The following ANXA8 variants were observed in gnomAD, a reference collection of about 807,000 sequenced individuals.
ANXA8 encodes the protein annexin A8, also known as VAC-beta.
ANXA8 carries 9 observed loss-of-function variants against 26.8 expected under a neutral mutation model. The ratio of observed to expected loss-of-function variants is 0.34; its 90% CI spans 0.20 to 0.59. The LOEUF (loss-of-function observed/expected upper bound fraction) is 0.59, where lower values mean the gene tolerates loss of function less well. Ranked by LOEUF, ANXA8 falls within the 20% of genes least tolerant of loss-of-function variation. The probability of loss-of-function intolerance (pLI) is 0.84; values close to 1 mark genes in which losing one functional copy is unlikely to be tolerated. For missense variants in ANXA8, 83 were observed against 238.5 expected (o/e 0.35, Z 4.29); for synonymous variants, 39 against 94.8 (o/e 0.41, Z 3.42).
chr10:47,699,362 A>G, the ANXA8 span, among the ~76,000 whole-genome samples: 1 of 148,250 alleles, frequency 6.7e-6, no homozygotes, highest in Non-Finnish European at 1.5e-5. Flanking sequence ...AAAAAAAAAA[A>G]AAAAAGAAAG....
chr10:47,701,220 T>G, the ANXA8 span, among the ~76,000 whole-genome samples: 1 of 151,216 alleles, frequency 6.6e-6, no homozygotes, highest in Non-Finnish European at 1.5e-5. Context: ...AAAAGCACAT[T>G]CTGTTGGCGC....
intron 6 of ANXA8, 137 bp from the exon 7 acceptor site, chr10:47,475,141 C>G (rs1839478400): frequency 1.5e-6 from 2 of 1,371,088 alleles, no homozygotes; most frequent in Non-Finnish European, 2.0e-6. Context: ...GCCAGTTATT[C>G]TCTTCAGCCC....
At chr10:47,637,438 C>G in the ANXA8 span, among the ~76,000 whole-genome samples, 1 of 150,034 alleles carries the variant, frequency 6.7e-6, no homozygotes, top group East Asian at 1.9e-4. Flanking sequence ...ACTGTAACAT[C>G]CTTTGTATCT....
At chr10:47,487,189 T>C, upstream of ANXA8, 2 of 893,822 alleles carry the variant, frequency 2.2e-6, no homozygotes, top group South Asian at 3.4e-5. Flanking sequence ...AGTGTTTCCA[T>C]CCAAATGGGA....
chr10:47,755,285 T>G, the ANXA8 span, among the ~76,000 whole-genome samples: 2 of 149,954 alleles, frequency 1.3e-5, no homozygotes, highest in East Asian at 4.0e-4. Flanking sequence ...AGACGAAGTC[T>G]CGCTCTGTTG....
chr10:47,577,186 T>C, the ANXA8 span, among the ~76,000 whole-genome samples: 39 of 148,404 alleles, frequency 2.6e-4, 1 homozygote, highest in Admixed American at 3.4e-4. Context: ...GATGGCGCCA[T>C]TGCACTCCAG....
At chr10:47,665,201 C>T in the ANXA8 span, among the ~76,000 whole-genome samples, 2 of 147,516 alleles carry the variant, frequency 1.4e-5, no homozygotes, top group African/African-American at 5.3e-5. Context: ...ATGTTGATGG[C>T]TGCTATTTTT....
the ANXA8 span, among the ~76,000 whole-genome samples, chr10:47,966,853 CAT>C: frequency 3.3e-5 from 4 of 122,670 alleles, no homozygotes; most frequent in Admixed American, 2.7e-4. Flanking sequence ...TTTATTGAAA[CAT>C]GTGACATAGC....
chr10:47,980,426 G>A, the ANXA8 span, among the ~76,000 whole-genome samples: 22 of 151,156 alleles, frequency 1.5e-4, no homozygotes, highest in African/African-American at 4.8e-4. Context: ...AGATTGTAGT[G>A]GAAATAAATA....
the ANXA8 span, among the ~76,000 whole-genome samples, chr10:47,709,373 G>A: frequency 1.3e-5 from 2 of 150,694 alleles, no homozygotes; most frequent in Non-Finnish European, 2.9e-5. Context: ...ATTTTGGTCA[G>A]CAATCAATCA....
chr10:47,948,863 C>T, the ANXA8 span, among the ~76,000 whole-genome samples: 1 of 151,628 alleles, frequency 6.6e-6, no homozygotes, highest in African/African-American at 2.4e-5. Flanking sequence ...TGGGCTTCAT[C>T]AAATCTATTG....
the ANXA8 span, among the ~76,000 whole-genome samples, chr10:47,720,273 TA>T: frequency 7.0e-6 from 1 of 143,842 alleles, no homozygotes; most frequent in Non-Finnish European, 1.5e-5. Flanking sequence ...CTTAAAGCAG[TA>T]ATTGGGAGAT....
chr10:47,474,163 T>G (rs1839416405), intron 8 of ANXA8, 98 bp from the exon 9 acceptor site: 1 of 567,590 alleles, frequency 1.8e-6, no homozygotes, highest in Non-Finnish European at 3.1e-6. Context: ...CGCCCTGACC[T>G]CCCACTGGTG....
chr10:47,746,997 G>C, the ANXA8 span, among the ~76,000 whole-genome samples: 4 of 129,164 alleles, frequency 3.1e-5, no homozygotes, highest in South Asian at 9.0e-4. Context: ...AACTGGAAAG[G>C]CTGAATAAAA....
chr10:47,680,166 C>T, the ANXA8 span, among the ~76,000 whole-genome samples: 10 of 151,548 alleles, frequency 6.6e-5, no homozygotes, highest in East Asian at 7.7e-4. Flanking sequence ...TAGTCCATCA[C>T]GTTAGCCAGG....
the ANXA8 span, among the ~76,000 whole-genome samples, chr10:47,633,915 A>C: frequency 0.019 from 2,568 of 138,024 alleles, 75 homozygotes; most frequent in African/African-American, 0.075. Flanking sequence ...GGGTCCGCAC[A>C]ACCCGGTAAA....
chr10:47,655,828 C>T, the ANXA8 span, among the ~76,000 whole-genome samples: 13 of 151,422 alleles, frequency 8.6e-5, no homozygotes, highest in Admixed American at 5.3e-4. Flanking sequence ...TGAGACCAGC[C>T]TGACCAACAT....
chr10:47,720,471 C>T, the ANXA8 span, among the ~76,000 whole-genome samples: 3 of 146,978 alleles, frequency 2.0e-5, no homozygotes, highest in Non-Finnish European at 4.5e-5. Context: ...AAGCTGTTTT[C>T]CCACCTTTAC....
chr10:47,943,480 C>A, the ANXA8 span, among the ~76,000 whole-genome samples: 1 of 146,230 alleles, frequency 6.8e-6, no homozygotes, highest in Non-Finnish European at 1.5e-5. Flanking sequence ...CTTCCTGGGC[C>A]CTGCCAGACC....
Sources: allele counts gnomAD v4.1 joint callset (sites outside exome capture counted in the v4.1 genomes callset), GRCh38; gene constraint gnomAD v4.1.1; transcripts MANE v1.5; gene names NCBI Gene and HGNC (gene_info 2026-07-23, HGNC 2026-07-21).